The following TECR variants were observed in gnomAD, a reference collection of about 807,000 sequenced individuals.
The protein encoded by TECR is trans-2,3-enoyl-CoA reductase.
In TECR, 19 loss-of-function variants were observed where a neutral mutation model predicts 50.6. The observed-to-expected ratio is 0.38, with a 90% CI of 0.26 to 0.55. The LOEUF is 0.55. TECR is among the 20% of genes least tolerant of loss of function. The pLI, the probability that TECR is intolerant of heterozygous loss-of-function variation, is 0.79. For missense variants in TECR, 313 were observed against 408.3 expected, an observed-to-expected ratio of 0.77 and a Z score of 2.01; for synonymous variants, 168 against 163.5, an observed-to-expected ratio of 1.03 and a Z score of -0.21.
intron 1 of TECR, chr19:14,530,007 A>G: frequency 1.9e-6 from 1 of 530,978 alleles, no homozygotes; most frequent in Non-Finnish European, 3.4e-6. Context: ...GCTGAGTTGC[A>G]GACTTTGTCA....
At position 14,529,925 on chromosome 19, in the gene TECR, T is replaced by TG. The variant is rs2072559612; in HGVS notation, c.15+219dup. 7.4e-6 allele frequency: 5 copies of TG among 678,212 alleles called. No individual in the cohort carries two copies. In the South Asian group the frequency reaches 7.4e-5, roughly 10 times the overall value. The allele number at this position is 678,212 out of a possible 1,614,324, so 42.0% of individuals were successfully genotyped here. A position where few individuals can be genotyped will look rare whatever the true frequency, so the allele number is the denominator to read the frequency against. ...TATAAATCTGCAACCCAGGCTGTTT[T>TG]GGGGGTACTTTTTCTTGGGGGTCTC... On this transcript the variant is annotated intron_variant, in intron 1 of 12. Coordinates refer to ENST00000215567, the MANE Select transcript of TECR (RefSeq NM_138501.6).
intron 1 of TECR, among the ~76,000 whole-genome samples, chr19:14,552,871 G>T (rs138496756): frequency 0.021 from 3,144 of 152,120 alleles, 50 homozygotes; most frequent in Non-Finnish European, 0.024. Flanking sequence ...TGAGGCCTGG[G>T]TGGCAGTCTC....
At chr19:14,530,475 A>G (rs1326964278) in intron 1 of TECR, 1 of 152,238 alleles carries the variant, frequency 6.6e-6, no homozygotes. Flanking sequence ...CTATCATCAA[A>G]TAATAAAATT....
rs3050003 is a variant in TECR, at chr19:14,557,114, CTTAT to C, written c.16-5372_16-5369del. Among the ~76,000 whole-genome samples the C allele has an allele frequency of 9.8e-3, 1,379 of 140,432 alleles. 9 individuals carry two copies. The highest frequency in any genetic ancestry group is 0.022 in the South Asian group (95 of 4,250). 92.1% of individuals were successfully genotyped at this position (140,432 alleles called of 152,430 possible). ...GCTGTTCTGCTAGTGTTGGTCTAAT[CTTAT>C]TTATTTATTTATTTATTTATTTATT... On this transcript the variant is annotated intron_variant, in intron 1 of 12. Coordinates refer to ENST00000215567, the MANE Select transcript of TECR (RefSeq NM_138501.6).
At chr19:14,549,463 G>T (rs2073420113) in intron 1 of TECR, among the ~76,000 whole-genome samples, 1 of 151,900 alleles carries the variant, frequency 6.6e-6, no homozygotes, top group Non-Finnish European at 1.5e-5. Flanking sequence ...CTTGTGATCT[G>T]CCCTCCTTGG....
intron 1 of TECR, among the ~76,000 whole-genome samples, chr19:14,540,343 C>T (rs1208350488): frequency 6.6e-6 from 1 of 152,116 alleles, no homozygotes; most frequent in East Asian, 1.9e-4. Context: ...GTTGGGATTA[C>T]AGGCGTGAGC....
chr19:14,563,376 C>A lies in TECR; in HGVS notation c.118+119C>A. ...GCCTGCAGAGATGCCCCAGTGTGGCCCAGGCTTCTGGGGCGTGACTGGGGC... is the reference window on the plus strand; with the variant it reads ...GCCTGCAGAGATGCCCCAGTGTGGCACAGGCTTCTGGGGCGTGACTGGGGC... On this transcript the variant is annotated intron_variant, in intron 3 of 12. Transcript: ENST00000215567. This position sits in a 1 kb window ranked among gnomAD's most constrained non-coding sequence, Gnocchi z 5.3. 1 of 1,068,500 alleles carries A rather than the reference C, an allele frequency of 9.4e-7. No individual in the cohort carries two copies. The highest frequency in any genetic ancestry group is 1.4e-6 in the Non-Finnish European group (1 of 704,610). The allele number at this position is 1,068,500 out of a possible 1,614,324, so 66.2% of individuals were successfully genotyped here. A position where few individuals can be genotyped will look rare whatever the true frequency, so the allele number is the denominator to read the frequency against.
chr19:14,535,970 G>A (rs1322346257), intron 1 of TECR, among the ~76,000 whole-genome samples: 6 of 151,916 alleles, frequency 3.9e-5, no homozygotes, highest in Admixed American at 3.3e-4. Context: ...CCTGGCTGTA[G>A]CTTTGTACTT....
chr19:14,564,514 C>T (rs1310913076), intron 7 of TECR, among the ~76,000 whole-genome samples: 1 of 116,114 alleles, frequency 8.6e-6, no homozygotes, highest in Non-Finnish European at 1.9e-5. Flanking sequence ...GCCTATCCAC[C>T]CTAGTCCCAC....
At chr19:14,540,216 C>A (rs541542056) in intron 1 of TECR, among the ~76,000 whole-genome samples, 1 of 151,714 alleles carries the variant, frequency 6.6e-6, no homozygotes, top group African/African-American at 2.4e-5. Context: ...CCCACCACCA[C>A]GCCTGGCTAA....
intron 1 of TECR, among the ~76,000 whole-genome samples, chr19:14,561,742 G>T (rs2073909176): frequency 6.6e-6 from 1 of 152,168 alleles, no homozygotes; most frequent in East Asian, 1.9e-4. Flanking sequence ...TTCGAGAGAG[G>T]CTCTCTGCAC....
Position 14,563,968 on chromosome 19 carries a change from C to G in TECR, c.268-14C>G. On this transcript the variant is annotated splice_polypyrimidine_tract_variant and intron_variant, in intron 5 of 12. Coordinates refer to ENST00000215567, the MANE Select transcript of TECR (RefSeq NM_138501.6). This position sits in a 1 kb window ranked among gnomAD's most constrained non-coding sequence, Gnocchi z 5.3. ...CCACGTTGGGTGACTCATCTTGCCCCCCTCTACTCTCAGGTCTTCCTAACA... is the reference window on the plus strand; with the variant it reads ...CCACGTTGGGTGACTCATCTTGCCCGCCTCTACTCTCAGGTCTTCCTAACA... 1.2e-6 allele frequency: 2 copies of G among 1,614,008 alleles called. No individual in the cohort carries two copies. The highest frequency in any genetic ancestry group is 1.3e-5 in the African/African-American group (1 of 75,020).
intron 1 of TECR, 152 bp from the exon 2 acceptor site, chr19:14,562,360 GGGCAGAGCCGAGT>G (rs2073929050): frequency 2.7e-6 from 2 of 745,348 alleles, no homozygotes; most frequent in Non-Finnish European, 4.8e-6. Context: ...TGGCCACCGT[GGGCAGAGCCGAGT>G]GGCAGGGCTG....
intron 1 of TECR, chr19:14,536,816 G>A (rs1599419596): frequency 6.6e-6 from 1 of 152,074 alleles, no homozygotes; most frequent in African/African-American, 2.4e-5. Context: ...CGTTTCAAGG[G>A]TTTCTTGGTC....
chr19:14,538,516 G>T lies in TECR; in HGVS notation c.15+8805G>T, dbSNP rs147072224. On this transcript the variant is annotated intron_variant, in intron 1 of 12. Coordinates refer to ENST00000215567, the MANE Select transcript of TECR (RefSeq NM_138501.6). ...TTTTGGCACCTGACCTCTTTGGAAG[G>T]CCTCAAAACTCTTTTTTTTCTTTTT... Among the ~76,000 whole-genome samples the T allele has an allele frequency of 8.8e-5, 13 of 147,286 alleles. No individual in the cohort carries two copies. In the East Asian group the frequency reaches 2.6e-3, roughly 29 times the overall value.
intron 1 of TECR, among the ~76,000 whole-genome samples, chr19:14,542,347 G>GGGTTTTTTTTT (rs2073124658): frequency 1.4e-3 from 60 of 43,302 alleles, no homozygotes; most frequent in African/African-American, 4.8e-3. Context: ...ATGCCATAGT[G>GGGTTTTTTTTT]TTTTTTTTTT....
chr19:14,529,420 A>ATT, upstream of TECR: 1 of 603,816 alleles, frequency 1.7e-6, no homozygotes, highest in Non-Finnish European at 3.0e-6. Context: ...CCCCTCCTAC[A>ATT]GGCGTTCCGC....
chr19:14,558,420 G>C (rs2073803256), intron 1 of TECR, among the ~76,000 whole-genome samples: 1 of 152,158 alleles, frequency 6.6e-6, no homozygotes, highest in Admixed American at 6.6e-5. Context: ...CCTCTTGCAG[G>C]GTGCGCTTCA....
rs2074041346 is a variant in TECR, at chr19:14,565,241, C to T, written c.704C>T (p.Pro235Leu). ...AAGATCCCATACCCCACCAAGAACC[C>T]CTTCACGTGGCTCTTCCTGCTGGTG... Reference protein sequence around the residue: ...TRKIPYPTKNPFTWLFLLVSC... With the variant: ...TRKIPYPTKNLFTWLFLLVSC... The change falls in exon 11 of 13, where the codon CCC (proline) becomes CTC (leucine). Residue 235 changes from proline to leucine, a missense_variant. By Grantham distance (98) the Pro-to-Leu change is moderately conservative. Coordinates refer to ENST00000215567, the MANE Select transcript of TECR (RefSeq NM_138501.6). 1 of 1,614,024 alleles carries T rather than the reference C, an allele frequency of 6.2e-7. No individual in the cohort carries two copies. Among genetic ancestry groups the T allele is most frequent in the Non-Finnish European group, 8.5e-7 (1 of 1,180,020 alleles).
Sources: gnomAD v4.1 joint callset for allele counts (sites outside exome capture counted in the v4.1 genomes callset) on GRCh38, gnomAD v4.1.1 for gene constraint, Gnocchi (gnomAD v3.1) non-coding constraint, MANE v1.5 for transcripts, NCBI Gene and HGNC (gene_info 2026-07-23, HGNC 2026-07-21) for gene names.